Variants in TMEM132B observed in about 807,000 individuals in gnomAD.
The protein encoded by TMEM132B is transmembrane protein 132B.
In TMEM132B, 18 loss-of-function variants were observed where a neutral mutation model predicts 90.8. The observed-to-expected ratio is 0.20, with a 90% CI of 0.14 to 0.29. The LOEUF (loss-of-function observed/expected upper bound fraction) is 0.29. TMEM132B is among the 10% of genes least tolerant of loss of function. TMEM132B has a pLI of 1.00. For synonymous variants in TMEM132B, 504 were observed against 523.3 expected (o/e 0.96, Z 0.50); for missense variants, 1,096 against 1,326.8 (o/e 0.83, Z 2.70).
chr12:125,364,631 T>C (rs907884698), intron 2 of TMEM132B, among the ~76,000 whole-genome samples: 2 of 152,192 alleles, frequency 1.3e-5, no homozygotes, highest in Admixed American at 1.3e-4. Flanking sequence ...TCTTCCGATA[T>C]AAGAACATGG....
At chr12:125,638,122 G>A (rs1439361163) in intron 5 of TMEM132B, among the ~76,000 whole-genome samples, 1 of 152,218 alleles carries the variant, frequency 6.6e-6, no homozygotes, top group East Asian at 1.9e-4. Context: ...CACTGAAGCA[G>A]TAACACAGTG....
chr12:125,328,609 CAT>C (rs1267587689), intron 1 of TMEM132B, among the ~76,000 whole-genome samples: 1 of 152,158 alleles, frequency 6.6e-6, no homozygotes, highest in Non-Finnish European at 1.5e-5. Flanking sequence ...TTCATTTTCA[CAT>C]GACCTTCCCT....
At chr12:125,311,790 T>C (rs1876131755) in intron 1 of TMEM132B, among the ~76,000 whole-genome samples, 1 of 152,158 alleles carries the variant, frequency 6.6e-6, no homozygotes, top group Non-Finnish European at 1.5e-5. Flanking sequence ...GTGGGGAATG[T>C]GGTCCATCTT....
chr12:125,517,327 ATTTTTTTTTTTTTTT>A (rs56147854), intron 3 of TMEM132B, among the ~76,000 whole-genome samples: 10 of 28,418 alleles, frequency 3.5e-4, no homozygotes, highest in Non-Finnish European at 6.6e-4. Context: ...TGCCCTGCTG[ATTTTTTTTTTTTTTT>A]TTTTTTTTTT....
intron 1 of TMEM132B, among the ~76,000 whole-genome samples, chr12:125,344,616 C>T (rs552963048): frequency 2.6e-5 from 4 of 152,288 alleles, no homozygotes; most frequent in East Asian, 1.9e-4. Flanking sequence ...TCTTCCTACC[C>T]GCCAGTCTTC....
At chr12:125,442,899 C>G (rs1880914011) in intron 3 of TMEM132B, among the ~76,000 whole-genome samples, 1 of 152,168 alleles carries the variant, frequency 6.6e-6, no homozygotes, top group Non-Finnish European at 1.5e-5. Flanking sequence ...TCAGGGTTGC[C>G]CCTGGTCGCT....
At chr12:125,428,297 A>G (rs556359866) in intron 3 of TMEM132B, among the ~76,000 whole-genome samples, 3 of 42,508 alleles carry the variant, frequency 7.1e-5, no homozygotes, top group Non-Finnish European at 2.0e-4. Context: ...CCCAGCTGTA[A>G]ATGACTCTTT....
intron 1 of TMEM132B, among the ~76,000 whole-genome samples, chr12:125,241,941 G>C (rs748883728): frequency 6.6e-6 from 1 of 152,182 alleles, no homozygotes; most frequent in African/African-American, 2.4e-5. Flanking sequence ...AGGCAGACCC[G>C]TGGGGAGCAT....
chr12:125,538,170 G>T (rs367718139), intron 4 of TMEM132B, among the ~76,000 whole-genome samples: 2 of 152,218 alleles, frequency 1.3e-5, no homozygotes, highest in South Asian at 2.1e-4. Context: ...GGGAAACTGA[G>T]GTATGGGGTG....
chr12:125,365,583 T>C (rs774590714), intron 2 of TMEM132B, among the ~76,000 whole-genome samples: 1 of 152,136 alleles, frequency 6.6e-6, no homozygotes, highest in Non-Finnish European at 1.5e-5. Context: ...TTTTTTGAAG[T>C]ACATATTTAC....
chr12:125,358,267 T>C (rs1011764863), intron 2 of TMEM132B, among the ~76,000 whole-genome samples: 2 of 151,878 alleles, frequency 1.3e-5, no homozygotes, highest in African/African-American at 4.9e-5. Context: ...TTTTAAAAAA[T>C]TTTTTAGCTT....
intron 3 of TMEM132B, among the ~76,000 whole-genome samples, chr12:125,502,918 T>C (rs1882738151): frequency 6.6e-6 from 1 of 152,064 alleles, no homozygotes; most frequent in South Asian, 2.1e-4. Context: ...CTTCTTTTTA[T>C]GTTTCCTGGC....
At chr12:125,538,001 G>A (rs1287619340) in intron 4 of TMEM132B, among the ~76,000 whole-genome samples, 1 of 152,128 alleles carries the variant, frequency 6.6e-6, no homozygotes, top group African/African-American at 2.4e-5. Context: ...CCCCAGCCAG[G>A]CCTGCTTCCC....
At chr12:125,530,114 T>A (rs1038901628) in intron 4 of TMEM132B, among the ~76,000 whole-genome samples, 3 of 152,216 alleles carry the variant, frequency 2.0e-5, no homozygotes, top group Admixed American at 6.5e-5. Flanking sequence ...CAAATGGCAT[T>A]ATGTTGAGTG....
At position 125,654,591 on chromosome 12, in the gene TMEM132B, T is replaced by A; in HGVS notation, c.3133T>A (p.Tyr1045Asn). ...TTILPEDGGP[Y>N]TNSILFDSDD... ...CATCCTCCCAGAGGACGGCGGCCCA[T>A]ACACCAACTCCATCCTGTTTGACAG... Residue 1045 changes from tyrosine (Y) to asparagine (N), a missense_variant, in exon 9 of 9, where the codon TAC (tyrosine) becomes AAC (asparagine). Physicochemically the swap from Tyr to Asn is moderately radical, Grantham distance 143. Coordinates refer to ENST00000682704, the MANE Select transcript of TMEM132B (RefSeq NM_001366854.1). This position sits in a 1 kb window ranked among gnomAD's most constrained non-coding sequence, Gnocchi z 5.8. The A allele has an allele frequency of 1.9e-6, 3 of 1,614,190 alleles. No homozygotes were observed. The highest frequency in any genetic ancestry group is 2.5e-6 in the Non-Finnish European group (3 of 1,180,032).
At chr12:125,486,866 T>C (rs1001264214) in intron 3 of TMEM132B, among the ~76,000 whole-genome samples, 30 of 152,240 alleles carry the variant, frequency 2.0e-4, no homozygotes, top group African/African-American at 7.0e-4. Flanking sequence ...TAAGCTTATG[T>C]TATTCTCTTA....
At chr12:125,247,812 G>A (rs1320732062) in intron 1 of TMEM132B, among the ~76,000 whole-genome samples, 2 of 152,188 alleles carry the variant, frequency 1.3e-5, no homozygotes, top group Non-Finnish European at 2.9e-5. Flanking sequence ...GACAGTGTGG[G>A]AACGTGCCGC....
chr12:125,250,545 A>G (rs1874295317), intron 1 of TMEM132B, among the ~76,000 whole-genome samples: 1 of 152,078 alleles, frequency 6.6e-6, no homozygotes, highest in Admixed American at 6.6e-5. Context: ...CAGCATGGAA[A>G]CTTCGCTCAG....
At chr12:125,203,531 C>G (rs541825997) in intron 1 of TMEM132B, among the ~76,000 whole-genome samples, 1 of 152,292 alleles carries the variant, frequency 6.6e-6, no homozygotes, top group South Asian at 2.1e-4. Flanking sequence ...TTGACATATA[C>G]AAACATTTAC....
Sources: gnomAD v4.1 joint callset for allele counts (sites outside exome capture counted in the v4.1 genomes callset) on GRCh38, gnomAD v4.1.1 for gene constraint, Gnocchi (gnomAD v3.1) non-coding constraint, MANE v1.5 for transcripts, NCBI Gene and HGNC (gene_info 2026-07-23, HGNC 2026-07-21) for gene names.